The following CNTN1 variants were observed in gnomAD, a reference collection of about 807,000 sequenced individuals.
CNTN1 encodes contactin 1.
Under a neutral mutation model 126.4 loss-of-function variants are expected in CNTN1, and 38 were observed. The observed-to-expected ratio is 0.30, with a 90% CI of 0.23 to 0.39. The LOEUF is 0.39. CNTN1 is among the 10% of genes least tolerant of loss of function. CNTN1 has a pLI of 1.00. For missense variants in CNTN1, 1,009 were observed against 1,248.4 expected (o/e 0.81, Z 2.89); for synonymous variants, 413 against 422.6 (o/e 0.98, Z 0.28).
chr12:41,016,543 C>T lies in CNTN1; in HGVS notation c.2185-139C>T. ...ATGTTTAAGTATGTTTTTCCTCTGA[C>T]ATTTGGAACCAGCACTAATGTATGA... On this transcript the variant is annotated intron_variant, in intron 18 of 23. Transcript: ENST00000551295. The T allele has an allele frequency of 2.1e-5, 14 of 672,136 alleles. No individual in the cohort carries two copies. The South Asian group carries it at 2.4e-4, about 11-fold the overall frequency. 41.6% of individuals were successfully genotyped at this position (672,136 alleles called of 1,614,324 possible). A position where few individuals can be genotyped will look rare whatever the true frequency, so the allele number is the denominator to read the frequency against.
chr12:40,964,802 G>C (rs1947247709), intron 15 of CNTN1, among the ~76,000 whole-genome samples: 1 of 152,070 alleles, frequency 6.6e-6, no homozygotes, highest in South Asian at 2.1e-4. Context: ...CCTGATGGAA[G>C]CTGTCAGTAT....
At chr12:40,917,403 A>G (rs962017853) in intron 3 of CNTN1, among the ~76,000 whole-genome samples, 1 of 152,132 alleles carries the variant, frequency 6.6e-6, no homozygotes, top group Middle Eastern at 3.2e-3. Flanking sequence ...CCCATTTTAT[A>G]AAGAGTGATA....
intron 1 of CNTN1, among the ~76,000 whole-genome samples, chr12:40,869,988 G>A (rs1177311165): frequency 1.3e-5 from 2 of 152,096 alleles, no homozygotes; most frequent in Non-Finnish European, 2.9e-5. Flanking sequence ...GAATCATGGG[G>A]GTGGGTCTTT....
At chr12:40,934,287 C>G (rs971869472) in intron 9 of CNTN1, among the ~76,000 whole-genome samples, 1 of 151,974 alleles carries the variant, frequency 6.6e-6, no homozygotes, top group South Asian at 2.1e-4. Context: ...CTTGTTAAAA[C>G]AGATTGCTGG....
intron 16 of CNTN1, among the ~76,000 whole-genome samples, chr12:40,981,510 C>G (rs563553131): frequency 6.6e-6 from 1 of 152,122 alleles, no homozygotes; most frequent in East Asian, 1.9e-4. Flanking sequence ...CCAAATCTTA[C>G]TACTATAACC....
In CNTN1 at chr12:41,016,933, C is replaced by T. The variant is rs1948794170; in HGVS notation, c.2419+17C>T. On this transcript the variant is annotated intron_variant, in intron 19 of 23. Coordinates refer to ENST00000551295, the MANE Select transcript of CNTN1 (RefSeq NM_001843.4). ...CACAAGACGGTAGGTGAAAGAAAGA[C>T]CTTCTTACCTGAGGAGGGAGGAAAA... 1.9e-6 allele frequency: 3 copies of T among 1,590,186 alleles called. No individual in the cohort carries two copies. Among genetic ancestry groups the T allele is most frequent in the Non-Finnish European group, 2.6e-6 (3 of 1,158,322 alleles).
intron 15 of CNTN1, among the ~76,000 whole-genome samples, chr12:40,966,964 T>C (rs1294607323): frequency 2.0e-5 from 3 of 151,476 alleles, no homozygotes; most frequent in Non-Finnish European, 4.4e-5. Context: ...CCGGGTCTCT[T>C]ATAATCAAAC....
intron 23 of CNTN1, among the ~76,000 whole-genome samples, chr12:41,068,588 G>A (rs1950098086): frequency 6.6e-6 from 1 of 151,910 alleles, no homozygotes; most frequent in Admixed American, 6.6e-5. Context: ...CACCTTATAG[G>A]GAACATGAAT....
intron 1 of CNTN1, among the ~76,000 whole-genome samples, chr12:40,759,405 C>CT (rs1055890109): frequency 5.9e-5 from 9 of 151,840 alleles, no homozygotes; most frequent in African/African-American, 1.9e-4. Context: ...TTTCTTTTTC[C>CT]TTTTTTTCTC....
At chr12:40,728,486 C>T (rs1584093) in intron 1 of CNTN1, among the ~76,000 whole-genome samples, 21,064 of 152,036 alleles carry the variant, frequency 0.14, 1,679 homozygotes, top group African/African-American at 0.21. Flanking sequence ...TACTACCTAG[C>T]GACTTCTGTT....
At chr12:40,813,900 G>C (rs1266272459) in intron 1 of CNTN1, among the ~76,000 whole-genome samples, 4 of 152,170 alleles carry the variant, frequency 2.6e-5, no homozygotes, top group Non-Finnish European at 5.9e-5. Flanking sequence ...ACTGGTGTGA[G>C]ATGGTATCTC....
At chr12:40,867,687 T>A (rs753889470) in intron 1 of CNTN1, among the ~76,000 whole-genome samples, 3 of 152,042 alleles carry the variant, frequency 2.0e-5, no homozygotes, top group Non-Finnish European at 4.4e-5. Flanking sequence ...ATTTTTGAAG[T>A]TTTTCTGCTC....
intron 23 of CNTN1, among the ~76,000 whole-genome samples, chr12:41,032,955 A>G (rs1473737970): frequency 6.6e-6 from 1 of 152,220 alleles, no homozygotes; most frequent in Admixed American, 6.5e-5. Context: ...TATAGAGAAA[A>G]GCCCACTAAC....
At chr12:40,905,097 A>T (rs896101084) in intron 1 of CNTN1, among the ~76,000 whole-genome samples, 1 of 152,238 alleles carries the variant, frequency 6.6e-6, no homozygotes, top group African/African-American at 2.4e-5. Context: ...ATTCGGCAAG[A>T]TATGGCTAAC....
intron 23 of CNTN1, among the ~76,000 whole-genome samples, chr12:41,068,458 T>C (rs1950095692): frequency 6.6e-6 from 1 of 152,130 alleles, no homozygotes; most frequent in Non-Finnish European, 1.5e-5. Context: ...TCCTGCTCAT[T>C]TCTAAGAACT....
intron 1 of CNTN1, among the ~76,000 whole-genome samples, chr12:40,807,138 C>T (rs1326521435): frequency 6.6e-6 from 1 of 152,000 alleles, no homozygotes; most frequent in African/African-American, 2.4e-5. Flanking sequence ...TTACCTTGGG[C>T]TGGGATCGAG....
intron 23 of CNTN1, among the ~76,000 whole-genome samples, chr12:41,047,617 C>T (rs998596272): frequency 1.3e-5 from 2 of 152,038 alleles, no homozygotes; most frequent in African/African-American, 4.8e-5. Context: ...CTACTAGCCT[C>T]TAGGGCCACT....
At chr12:40,887,950 T>A (rs575127622) in intron 1 of CNTN1, among the ~76,000 whole-genome samples, 2 of 138,320 alleles carry the variant, frequency 1.4e-5, no homozygotes, top group Non-Finnish European at 3.0e-5. Context: ...CACTCATAGG[T>A]GGGAATTGAA....
chr12:40,944,739 G>A (rs1946378086), intron 14 of CNTN1, among the ~76,000 whole-genome samples: 1 of 151,928 alleles, frequency 6.6e-6, no homozygotes, highest in African/African-American at 2.4e-5. Context: ...ATAAAATAGA[G>A]GGAAAAGACT....
Sources: allele counts gnomAD v4.1 joint callset (sites outside exome capture counted in the v4.1 genomes callset), GRCh38; gene constraint gnomAD v4.1.1; transcripts MANE v1.5; gene names NCBI Gene and HGNC (gene_info 2026-07-23, HGNC 2026-07-21).